The following SPTLC1 variants were observed in gnomAD, a reference collection of about 807,000 sequenced individuals.
SPTLC1 encodes the protein serine palmitoyltransferase 1.
In SPTLC1, 55 loss-of-function variants were observed where a neutral mutation model predicts 68.9. The observed-to-expected ratio is 0.80, with a 90% CI of 0.64 to 1.00. SPTLC1 has a LOEUF of 1.00. Ranked by LOEUF, SPTLC1 falls within the 50% of genes least tolerant of loss-of-function variation. The probability of loss-of-function intolerance (pLI) is 0.00; values close to 1 mark genes in which losing one functional copy is unlikely to be tolerated. For missense variants in SPTLC1, 449 were observed against 573.1 expected (o/e 0.78, Z 2.21); for synonymous variants, 197 against 201.6 (o/e 0.98, Z 0.19).
At chr9:92,075,276 C>T (rs554692596) in intron 5 of SPTLC1, among the ~76,000 whole-genome samples, 1 of 152,152 alleles carries the variant, frequency 6.6e-6, no homozygotes, top group Admixed American at 6.5e-5. Flanking sequence ...CAATCCCCAC[C>T]ACCAAACAAC....
intron 14 of SPTLC1, among the ~76,000 whole-genome samples, chr9:92,034,206 T>C (rs759214232): frequency 6.6e-6 from 1 of 152,258 alleles, no homozygotes; most frequent in African/African-American, 2.4e-5. Context: ...GAACTGACCA[T>C]GTCCATGCCC....
intron 3 of SPTLC1, among the ~76,000 whole-genome samples, chr9:92,099,608 T>A (rs1044888435): frequency 6.6e-6 from 1 of 151,926 alleles, no homozygotes; most frequent in African/African-American, 2.4e-5. Context: ...TCCTCCCAAG[T>A]AGCTGGGACT....
chr9:92,046,101 T>C, intron 11 of SPTLC1, 48 bp from the exon 12 acceptor site: 1 of 1,468,434 alleles, frequency 6.8e-7, no homozygotes, highest in African/African-American at 1.4e-5. Context: ...CTTATGATAG[T>C]ACTAACCTAA....
At chr9:92,073,022 C>T (rs568657002) in intron 5 of SPTLC1, among the ~76,000 whole-genome samples, 200 of 152,088 alleles carry the variant, frequency 1.3e-3, no homozygotes, top group African/African-American at 4.6e-3. Context: ...ACAAGCCACC[C>T]CTTTACGTCC....
At chr9:92,100,355 T>C (rs1380140637) in intron 3 of SPTLC1, among the ~76,000 whole-genome samples, 1 of 152,196 alleles carries the variant, frequency 6.6e-6, no homozygotes, top group Non-Finnish European at 1.5e-5. Context: ...GCTGAGTATA[T>C]TCTGTTCCAT....
At chr9:92,087,141 C>A (rs977427102) in intron 3 of SPTLC1, among the ~76,000 whole-genome samples, 30 of 150,922 alleles carry the variant, frequency 2.0e-4, no homozygotes, top group Admixed American at 5.3e-4. Flanking sequence ...GTTATACATT[C>A]GTCTAAATTT....
intron 5 of SPTLC1, among the ~76,000 whole-genome samples, chr9:92,075,641 C>G (rs1173318048): frequency 1.3e-5 from 2 of 152,190 alleles, no homozygotes; most frequent in African/African-American, 2.4e-5. Context: ...GCAGCCACAG[C>G]CCTTATACTC....
At chr9:92,033,833 A>C (rs2118334713) in intron 14 of SPTLC1, among the ~76,000 whole-genome samples, 1 of 152,286 alleles carries the variant, frequency 6.6e-6, no homozygotes, top group African/African-American at 2.4e-5. Flanking sequence ...GGTGTGGGCC[A>C]CTGCACCTGG....
chr9:92,075,260 A>C (rs568656798), intron 5 of SPTLC1, among the ~76,000 whole-genome samples: 1 of 152,172 alleles, frequency 6.6e-6, no homozygotes, highest in African/African-American at 2.4e-5. Flanking sequence ...GCTAATCTCC[A>C]AATTCCAATC....
rs185506706 is a variant in SPTLC1, at chr9:92,099,166, A to G, written c.260+9574T>C. ...CTATATCTGAACTCTGCCAGAAGAA[A>G]GGGCAGAGCAAGGTTGCTGCATGAG... On this transcript the variant is annotated intron_variant, in intron 3 of 14. Transcript: ENST00000262554. Among the ~76,000 whole-genome samples the G allele has an allele frequency of 1.1e-4, 17 of 152,350 alleles. No individual in the cohort carries two copies. In the East Asian group the frequency reaches 3.3e-3, roughly 29 times the overall value.
chr9:92,079,996 A>T lies in SPTLC1; in HGVS notation c.427+20T>A. The T allele has an allele frequency of 1.2e-6, 2 of 1,604,378 alleles. No individual in the cohort carries two copies. The highest frequency in any genetic ancestry group is 1.7e-6 in the Non-Finnish European group (2 of 1,172,056). The stretch of plus-strand genomic sequence containing the variant: ...ACTATTGAAAGCAGTAGTCTCAAAG[A>T]GAACACAACAAAAACTTACCAAATG... On this transcript the variant is annotated intron_variant, in intron 5 of 14. Coordinates refer to ENST00000262554, the MANE Select transcript of SPTLC1 (RefSeq NM_006415.4).
chr9:92,082,050 T>A (rs1587956246), intron 3 of SPTLC1, among the ~76,000 whole-genome samples: 1 of 152,164 alleles, frequency 6.6e-6, no homozygotes, highest in African/African-American at 2.4e-5. Context: ...CTCTGTATTA[T>A]GGCTATTGAC....
intron 3 of SPTLC1, among the ~76,000 whole-genome samples, chr9:92,102,368 T>C (rs1176034343): frequency 6.6e-6 from 1 of 152,240 alleles, no homozygotes; most frequent in Non-Finnish European, 1.5e-5. Flanking sequence ...ATATTCAAAC[T>C]GAGAATTCTA....
intron 7 of SPTLC1, among the ~76,000 whole-genome samples, chr9:92,057,807 C>A (rs909995089): frequency 5.3e-5 from 8 of 152,206 alleles, no homozygotes; most frequent in African/African-American, 1.9e-4. Flanking sequence ...CTTAGAAAGC[C>A]TGCTCTCAGC....
chr9:92,051,359 A>AG (rs1382261589), intron 8 of SPTLC1: 1 of 740,050 alleles, frequency 1.4e-6, no homozygotes, highest in East Asian at 1.3e-4. Context: ...AGAAGAATGT[A>AG]GGGGGAAAAA....
At position 92,089,361 on chromosome 9, in the gene SPTLC1, C is replaced by T. The variant is rs563047386; in HGVS notation, c.261-8398G>A. Among the ~76,000 whole-genome samples, 20 of 152,174 alleles carry T rather than the reference C, an allele frequency of 1.3e-4. No homozygotes were observed. In the East Asian group the frequency reaches 1.4e-3, roughly 10 times the overall value. ...CCAGGAGGCAGAGGTTGCAGTGAGTCGAGATTGTGCCACTGCACTCCAGCC... is the reference window on the plus strand; with the variant it reads ...CCAGGAGGCAGAGGTTGCAGTGAGTTGAGATTGTGCCACTGCACTCCAGCC... On this transcript the variant is annotated intron_variant, in intron 3 of 14. Transcript: ENST00000262554.
chr9:92,073,599 C>T (rs1223366593), intron 5 of SPTLC1, among the ~76,000 whole-genome samples: 1 of 152,136 alleles, frequency 6.6e-6, no homozygotes, highest in Admixed American at 6.5e-5. Flanking sequence ...GCACCAAACC[C>T]TGAAGGGACA....
intron 9 of SPTLC1, among the ~76,000 whole-genome samples, chr9:92,048,462 CT>C (rs1833595110): frequency 6.6e-6 from 1 of 152,158 alleles, no homozygotes; most frequent in Non-Finnish European, 1.5e-5. Flanking sequence ...CACTCCTGCC[CT>C]TTTTAAAAAG....
At chr9:92,083,182 T>C (rs1834961071) in intron 3 of SPTLC1, among the ~76,000 whole-genome samples, 1 of 152,074 alleles carries the variant, frequency 6.6e-6, no homozygotes, top group Non-Finnish European at 1.5e-5. Flanking sequence ...TTCTCCCATT[T>C]TGTAGGTTGC....
Sources: gnomAD v4.1 joint callset for allele counts (sites outside exome capture counted in the v4.1 genomes callset) on GRCh38, gnomAD v4.1.1 for gene constraint, MANE v1.5 for transcripts, NCBI Gene and HGNC (gene_info 2026-07-23, HGNC 2026-07-21) for gene names.